The following CPB1 variants were observed in gnomAD, a reference collection of about 807,000 sequenced individuals.
The protein encoded by CPB1 is carboxypeptidase B1.
Under a neutral mutation model 51.4 loss-of-function variants are expected in CPB1, and 53 were observed. The ratio of observed to expected loss-of-function variants is 1.03; its 90% CI spans 0.83 to 1.30. The LOEUF is 1.30. Among genes scored for constraint, CPB1 ranks in the 50% most tolerant of loss-of-function variants. CPB1 has a pLI of 0.00. For missense variants in CPB1, 494 were observed against 516.2 expected (o/e 0.96, Z 0.42); for synonymous variants, 189 against 186.9 (o/e 1.01, Z -0.09).
Position 148,828,059 on chromosome 3 carries a change from G to C in CPB1, c.129G>C (p.Glu43Asp), listed in dbSNP as rs747564641. Residue 43 changes from glutamate to aspartate, a missense_variant, in exon 2 of 11, where the codon GAG becomes GAC. Glu to Asp is a conservative substitution (Grantham distance 45, BLOSUM62 2). Transcript: ENST00000282957. ...EDENHINIIR[E>D]LASTTQIDFW... ...AAAATCACATTAACATAATCCGCGAGTTGGCCAGCACGACCCAGGTAAGTA... is the reference window on the plus strand; with the variant it reads ...AAAATCACATTAACATAATCCGCGACTTGGCCAGCACGACCCAGGTAAGTA... The C allele has an allele frequency of 6.2e-7, 1 of 1,613,920 alleles. No homozygotes were observed. Among genetic ancestry groups the C allele is most frequent in the East Asian group, 2.2e-5 (1 of 44,864 alleles).
intron 3 of CPB1, among the ~76,000 whole-genome samples, chr3:148,835,137 G>T (rs1009687377): frequency 6.6e-6 from 1 of 152,136 alleles, no homozygotes. Flanking sequence ...AGAGAAAGAC[G>T]CAAAGAAAGG....
chr3:148,832,440 C>A (rs1559956106), intron 2 of CPB1, among the ~76,000 whole-genome samples: 4 of 151,774 alleles, frequency 2.6e-5, no homozygotes, highest in Admixed American at 2.0e-4. Flanking sequence ...CAGGCTCTTC[C>A]AAAGCAGACC....
chr3:148,856,063 A>G (rs1368588402), intron 9 of CPB1: 1 of 152,232 alleles, frequency 6.6e-6, no homozygotes, highest in African/African-American at 2.4e-5. Context: ...CTTCGTTACA[A>G]TAAGATTAAA....
chr3:148,846,797 GTATA>G (rs368201293), intron 9 of CPB1, among the ~76,000 whole-genome samples: 2,083 of 50,304 alleles, frequency 0.041, 192 homozygotes, highest in Admixed American at 0.11. Flanking sequence ...GTGTGCGTGT[GTATA>G]TATATATATA....
At chr3:148,859,660 G>A in intron 10 of CPB1, among the ~76,000 whole-genome samples, 155 bp from the exon 11 acceptor site, 1 of 152,156 alleles carries the variant, frequency 6.6e-6, no homozygotes, top group African/African-American at 2.4e-5. Flanking sequence ...TTTTAAAACA[G>A]CCCCCATAAC....
intron 10 of CPB1, among the ~76,000 whole-genome samples, chr3:148,858,327 C>G (rs1312817496): frequency 6.6e-6 from 1 of 152,082 alleles, no homozygotes; most frequent in Non-Finnish European, 1.5e-5. Context: ...AATCCCAGCA[C>G]TTTGGGAGGC....
intron 9 of CPB1, chr3:148,854,415 CTT>C (rs1354577641): frequency 6.6e-6 from 1 of 152,034 alleles, no homozygotes; most frequent in South Asian, 2.1e-4. Context: ...TCTGTTCTGA[CTT>C]TTTTTGTCTT....
chr3:148,859,199 C>G (rs1225263123), intron 10 of CPB1, among the ~76,000 whole-genome samples: 3 of 152,114 alleles, frequency 2.0e-5, no homozygotes, highest in Non-Finnish European at 4.4e-5. Context: ...AGCCCATAGC[C>G]TGCTGTTCAG....
intron 6 of CPB1, among the ~76,000 whole-genome samples, chr3:148,843,607 C>T (rs1200130828): frequency 6.6e-6 from 1 of 151,978 alleles, no homozygotes; most frequent in African/African-American, 2.4e-5. Flanking sequence ...CCAAAAAGCA[C>T]ATGCTTTATC....
rs142008836 is a variant in CPB1 at position 148,844,504 on chromosome 3, C to T, written c.603C>T (p.Ile201=). 6.2e-7 allele frequency: 1 copy of T among 1,613,824 alleles called. No homozygotes were observed. The change falls in exon 7 of 11, where the codon ATC becomes ATT. Residue 201 remains isoleucine, a synonymous_variant. Coordinates refer to ENST00000282957, the MANE Select transcript of CPB1 (RefSeq NM_001871.3). The part of the protein sequence containing the change: ...REAVRTYGRE[I]QVTELLDKLD... ...CTGTTCGTACCTATGGACGTGAGAT[C>T]CAAGTGACAGAGCTTCTCGACAAGT...
chr3:148,832,184 ATCT>A (rs1576566219), intron 2 of CPB1, among the ~76,000 whole-genome samples: 1 of 152,204 alleles, frequency 6.6e-6, no homozygotes, highest in East Asian at 1.9e-4. Context: ...TTGCACTGAA[ATCT>A]TAAAAGTAAC....
chr3:148,843,650 T>C (rs1041609933), intron 6 of CPB1, among the ~76,000 whole-genome samples: 17 of 152,244 alleles, frequency 1.1e-4, no homozygotes, highest in Non-Finnish European at 1.6e-4. Context: ...TATATATAAT[T>C]ACAAACAGTA....
intron 5 of CPB1, 56 bp downstream of exon 5, chr3:148,841,031 C>G: frequency 1.5e-6 from 2 of 1,365,012 alleles, no homozygotes; most frequent in Non-Finnish European, 2.1e-6. Flanking sequence ...TCAATGAATT[C>G]TAACACATGA....
At chr3:148,851,375 A>AAAAGAAAGAAAG (rs1182321242) in intron 9 of CPB1, 70 of 144,366 alleles carry the variant, frequency 4.8e-4, no homozygotes, top group African/African-American at 1.7e-3. Context: ...AAGAGAGAAA[A>AAAAGAAAGAAAG]AAAGAAAGAA....
chr3:148,854,771 G>T (rs1273861186), intron 9 of CPB1: 4 of 152,192 alleles, frequency 2.6e-5, no homozygotes, highest in African/African-American at 9.7e-5. Flanking sequence ...AGCTCACCTG[G>T]TGAGGAAATA....
chr3:148,835,400 C>T (rs945402070), intron 3 of CPB1, among the ~76,000 whole-genome samples: 9 of 152,270 alleles, frequency 5.9e-5, no homozygotes, highest in East Asian at 1.9e-4. Flanking sequence ...GAGTAAAGTG[C>T]TGGAGTTCAG....
At chr3:148,830,818 C>T (rs1014039919) in intron 2 of CPB1, among the ~76,000 whole-genome samples, 4 of 152,172 alleles carry the variant, frequency 2.6e-5, no homozygotes, top group South Asian at 2.1e-4. Flanking sequence ...GGGCTTCTTT[C>T]TTTCCTCTGG....
At chr3:148,842,883 A>G (rs1713126645) in intron 6 of CPB1, among the ~76,000 whole-genome samples, 1 of 152,226 alleles carries the variant, frequency 6.6e-6, no homozygotes, top group Non-Finnish European at 1.5e-5. Context: ...ATGCTGTGAA[A>G]AGACATATCA....
At chr3:148,844,430 T>A in intron 6 of CPB1, 48 bp from the exon 7 acceptor site, 2 of 1,405,404 alleles carry the variant, frequency 1.4e-6, no homozygotes, top group Non-Finnish European at 2.0e-6. Context: ...TTTAACAGCA[T>A]CATAATTCCA....
Sources: allele counts gnomAD v4.1 joint callset (sites outside exome capture counted in the v4.1 genomes callset), GRCh38; gene constraint gnomAD v4.1.1; transcripts MANE v1.5; gene names NCBI Gene and HGNC (gene_info 2026-07-23, HGNC 2026-07-21).